The following PVT1 variants were observed in gnomAD, a reference collection of about 807,000 sequenced individuals.
PVT1 encodes the protein CXCR4/PVT1 fusion.
chr8:127,988,645 CAGTGT>C (rs1391430348), intron 3 of PVT1, among the ~76,000 whole-genome samples: 1 of 152,212 alleles, frequency 6.6e-6, no homozygotes, highest in Non-Finnish European at 1.5e-5. Context: ...TACTAGATGA[CAGTGT>C]TGGGCTCAGA....
intron 3 of PVT1, among the ~76,000 whole-genome samples, chr8:127,896,052 GTT>G (rs992528722): frequency 2.6e-5 from 4 of 152,186 alleles, no homozygotes; most frequent in Admixed American, 6.5e-5. Flanking sequence ...AAAAAAAATT[GTT>G]ACAAGATGCA....
In PVT1 at chr8:127,965,043, T is replaced by A. The variant is rs539719107; in HGVS notation, n.783-24119T>A. Among the ~76,000 whole-genome samples the A allele has an allele frequency of 2.0e-5, 3 of 152,254 alleles. No individual in the cohort carries two copies. The South Asian group carries it at 6.2e-4, about 32-fold the overall frequency. On this transcript the variant is annotated intron_variant and non_coding_transcript_variant, in intron 3 of 10. Coordinates refer to ENST00000651587, the Ensembl canonical transcript of PVT1. ...CCAGATTCTAAGGGCAATATCTTTT[T>A]TCGGTGGGTGAAGACAGCATTCAAC...
intron 2 of PVT1, among the ~76,000 whole-genome samples, chr8:127,853,871 G>A (rs1165071279): frequency 2.7e-5 from 4 of 150,386 alleles, no homozygotes; most frequent in Admixed American, 1.3e-4. Flanking sequence ...TTAAGTCTAC[G>A]AGCATCTTAT....
chr8:127,895,648 T>C (rs899093618), intron 3 of PVT1, among the ~76,000 whole-genome samples: 3 of 152,190 alleles, frequency 2.0e-5, no homozygotes, highest in Non-Finnish European at 4.4e-5. Context: ...GGTCAAAGCA[T>C]ATAGGCATAA....
chr8:127,910,893 T>TTGTGTG (rs537562200), intron 3 of PVT1, among the ~76,000 whole-genome samples: 2,856 of 140,658 alleles, frequency 0.02, 106 homozygotes, highest in African/African-American at 0.072. Flanking sequence ...GTGTGTGTGT[T>TTGTGTG]TGTGTGTGTG....
chr8:127,851,257 A>G (rs755203567), intron 2 of PVT1, among the ~76,000 whole-genome samples: 65 of 152,178 alleles, frequency 4.3e-4, no homozygotes, highest in East Asian at 2.5e-3. Flanking sequence ...TAATTGATGT[A>G]TTCGTTTGGA....
At chr8:127,990,550 T>C (rs2129997475) in intron 4 of PVT1, among the ~76,000 whole-genome samples, 1 of 152,310 alleles carries the variant, frequency 6.6e-6, no homozygotes, top group South Asian at 2.1e-4. Flanking sequence ...ACTGACATGA[T>C]TCCTATCATG....
intron 2 of PVT1, among the ~76,000 whole-genome samples, chr8:127,823,732 T>C (rs1432441724): frequency 1.3e-5 from 2 of 152,228 alleles, no homozygotes; most frequent in Non-Finnish European, 2.9e-5. Context: ...TTAAGACTCC[T>C]GTGCTTTATC....
Position 128,091,818 on chromosome 8 carries a change from A to AC in PVT1, n.1115-4696dup, listed in dbSNP as rs142939174. ...GCCCAGTGCCTGGCACATCATAAGC[A>AC]CCCCACAGGTGTCAGCTGGCATCAT... On this transcript the variant is annotated intron_variant and non_coding_transcript_variant, in intron 5 of 10. Coordinates refer to ENST00000651587, the Ensembl canonical transcript of PVT1. Among the ~76,000 whole-genome samples the AC allele has an allele frequency of 8.7e-3, 1,328 of 152,340 alleles. 9 individuals are homozygous for AC. Among genetic ancestry groups the AC allele is most frequent in the Non-Finnish European group, 0.012 (817 of 68,036 alleles).
At chr8:127,942,337 C>T (rs1374652044) in intron 3 of PVT1, among the ~76,000 whole-genome samples, 1 of 152,194 alleles carries the variant, frequency 6.6e-6, no homozygotes, top group Non-Finnish European at 1.5e-5. Flanking sequence ...GTTCATCTGC[C>T]TGTGATGACA....
At chr8:128,028,732 G>A (rs1377317415) in intron 4 of PVT1, among the ~76,000 whole-genome samples, 1 of 152,226 alleles carries the variant, frequency 6.6e-6, no homozygotes, top group Non-Finnish European at 1.5e-5. Flanking sequence ...GAGTTGTGGG[G>A]AGCACTGTTA....
intron 2 of PVT1, among the ~76,000 whole-genome samples, chr8:127,825,542 C>A (rs1032188651): frequency 3.9e-5 from 6 of 152,140 alleles, no homozygotes; most frequent in African/African-American, 1.4e-4. Flanking sequence ...TTTGAAGGGG[C>A]ACAGCTTTGA....
chr8:127,817,546 TACACACACACACAC>T (rs1554588971), intron 2 of PVT1, among the ~76,000 whole-genome samples: 11 of 89,920 alleles, frequency 1.2e-4, no homozygotes, highest in East Asian at 1.0e-3. Context: ...TATATATATA[TACACACACACACAC>T]ATATATATAT....
At chr8:128,023,286 A>G (rs1476140460) in intron 4 of PVT1, among the ~76,000 whole-genome samples, 1 of 152,212 alleles carries the variant, frequency 6.6e-6, no homozygotes, top group African/African-American at 2.4e-5. Context: ...CACATAGAAC[A>G]TAACTCAGGT....
At chr8:127,855,195 G>A (rs1371788315) in intron 2 of PVT1, 1 of 398,512 alleles carries the variant, frequency 2.5e-6, no homozygotes, top group Non-Finnish European at 4.4e-6. Context: ...ACTATTAAGG[G>A]GAAACAAAAG....
chr8:127,904,827 T>A (rs1815800628), intron 3 of PVT1, among the ~76,000 whole-genome samples: 1 of 152,208 alleles, frequency 6.6e-6, no homozygotes. Flanking sequence ...ATATGGGCTC[T>A]CTTGTGTAAA....
chr8:127,845,593 A>T (rs1008708022), intron 2 of PVT1, among the ~76,000 whole-genome samples: 1 of 152,200 alleles, frequency 6.6e-6, no homozygotes, highest in African/African-American at 2.4e-5. Context: ...CCCCAAACAT[A>T]CTTATATAGC....
intron 2 of PVT1, among the ~76,000 whole-genome samples, chr8:127,824,460 G>T (rs1237166068): frequency 1.3e-5 from 2 of 152,048 alleles, no homozygotes; most frequent in East Asian, 3.9e-4. Context: ...TCCCAGCCAG[G>T]TTGCTATTAA....
chr8:128,063,077 G>A (rs1813851796), intron 4 of PVT1, among the ~76,000 whole-genome samples: 1 of 152,118 alleles, frequency 6.6e-6, no homozygotes, highest in East Asian at 1.9e-4. Context: ...CACAGTACTT[G>A]GCCTTTTGAA....
Sources: gnomAD v4.1 joint callset for allele counts (sites outside exome capture counted in the v4.1 genomes callset) on GRCh38, gnomAD v4.1.1 for gene constraint, MANE v1.5 for transcripts, NCBI Gene and HGNC (gene_info 2026-07-23, HGNC 2026-07-21) for gene names.